SKI: variants seen among roughly 807,000 people sequenced by gnomAD.
SKI encodes the protein ski oncogene.
A neutral mutation model predicts 59.3 loss-of-function variants in SKI; 23 were observed. The ratio of observed to expected loss-of-function variants is 0.39; its 90% CI spans 0.28 to 0.55. The LOEUF (loss-of-function observed/expected upper bound fraction) is 0.55. Among genes scored for constraint, SKI ranks in the 20% least tolerant of loss-of-function variants. SKI has a pLI of 0.67. For missense variants in SKI, 1,017 were observed against 1,038.9 expected, an observed-to-expected ratio of 0.98 and a Z score of 0.29; for synonymous variants, 673 against 488.6, an observed-to-expected ratio of 1.38 and a Z score of -4.98.
rs1418253983 is a variant in SKI, at chr1:2,306,713, G to A, written c.2135G>A (p.Arg712Gln). The change falls in exon 7 of 7, where the codon CGG becomes CAG. Residue 712 changes from arginine to glutamine, a missense_variant. Physicochemically the swap from Arg to Gln is conservative, Grantham distance 43. Coordinates refer to ENST00000378536, the MANE Select transcript of SKI (RefSeq NM_003036.4). Reference protein sequence around the residue: ...VKELQEQLWPRARPEAAGSEG... With the variant: ...VKELQEQLWPQARPEAAGSEG... ...GAGCTGCAGGAACAGCTGTGGCCGCGGGCCCGCCCCGAGGCTGCGGGCAGC... is the reference window on the plus strand; with the variant it reads ...GAGCTGCAGGAACAGCTGTGGCCGCAGGCCCGCCCCGAGGCTGCGGGCAGC... The A allele has an allele frequency of 2.0e-6, 3 of 1,537,852 alleles. No homozygotes were observed. The highest frequency in any genetic ancestry group is 2.6e-6 in the Non-Finnish European group (3 of 1,143,080).
chr1:2,259,133 TC>T (rs1639331157), intron 1 of SKI, among the ~76,000 whole-genome samples: 1 of 152,206 alleles, frequency 6.6e-6, no homozygotes, highest in Non-Finnish European at 1.5e-5. Context: ...TGGTGGCTCC[TC>T]CGGAACCCCT....
Position 2,237,003 on chromosome 1 carries a change from G to A in SKI, c.969+7268G>A, listed in dbSNP as rs370234741. On this transcript the variant is annotated intron_variant, in intron 1 of 6. Transcript: ENST00000378536. ...CTGGCGGCCTCAGGTGGGCATGGGT[G>A]GCAGGGGATGCCATCACCCAAATCA... is the stretch of plus-strand genomic sequence containing the variant. Among the ~76,000 whole-genome samples the A allele has an allele frequency of 4.3e-4, 65 of 152,346 alleles. No individual in the cohort carries two copies. The East Asian group carries it at 0.012, about 27-fold the overall frequency.
At chr1:2,295,513 A>G (rs990093474) in intron 1 of SKI, among the ~76,000 whole-genome samples, 1 of 152,208 alleles carries the variant, frequency 6.6e-6, no homozygotes, top group Admixed American at 6.5e-5. Flanking sequence ...ACCCCCAACA[A>G]GAAGCCCCAT....
rs931048225 is a variant in SKI at position 2,229,614 on chromosome 1, C to T, written c.848C>T (p.Ala283Val). The T allele has an allele frequency of 2.5e-6, 4 of 1,612,332 alleles. No homozygotes were observed. The highest frequency in any genetic ancestry group is 2.7e-5 in the African/African-American group (2 of 74,946). The change falls in exon 1 of 7, where the codon GCC becomes GTC. Residue 283 changes from alanine (A) to valine (V), a missense_variant. Physicochemically the swap from Ala to Val is moderately conservative, Grantham distance 64. Transcript: ENST00000378536. The surrounding 1 kb of genome is among the most constrained non-coding windows in gnomAD (Gnocchi z 6.3). Reference sequence around the variant, plus strand: ...GGCTTCGACTCGGCCAACTGGCGGGCCTACATCCTGCTGAGCCAGGATTAC... The same window carrying T: ...GGCTTCGACTCGGCCAACTGGCGGGTCTACATCCTGCTGAGCCAGGATTAC... ...HWGFDSANWRAYILLSQDYTG... is the reference protein window; with the variant it reads ...HWGFDSANWRVYILLSQDYTG...
intron 1 of SKI, among the ~76,000 whole-genome samples, chr1:2,280,175 C>T (rs766556123): frequency 3.8e-4 from 58 of 151,746 alleles, no homozygotes; most frequent in Non-Finnish European, 7.7e-4. Flanking sequence ...AAAGATTAGC[C>T]TGGCTGATAT....
At position 2,229,099 on chromosome 1, in the gene SKI, G is replaced by A; in HGVS notation, c.333G>A (p.Ser111=). 1.2e-6 allele frequency: 2 copies of A among 1,609,770 alleles called. No individual in the cohort carries two copies. The highest frequency in any genetic ancestry group is 2.2e-5 in the East Asian group (1 of 44,844). Residue 111 remains serine, a synonymous_variant, in exon 1 of 7, where the codon TCG becomes TCA. Coordinates refer to ENST00000378536, the MANE Select transcript of SKI (RefSeq NM_003036.4). This position sits in a 1 kb window ranked among gnomAD's most constrained non-coding sequence, Gnocchi z 6.3. ...CETVLEGETI[S]CFVVGGEKRL... ...CCGTACTGGAAGGCGAGACCATCTC[G>A]TGCTTCGTGGTGGGAGGCGAGAAGC... is the stretch of plus-strand genomic sequence containing the variant.
intron 1 of SKI, among the ~76,000 whole-genome samples, chr1:2,261,706 C>T (rs1032184040): frequency 3.3e-5 from 5 of 152,260 alleles, no homozygotes; most frequent in African/African-American, 1.2e-4. Context: ...TTCACTTCTT[C>T]CTTTCCAGTC....
intron 1 of SKI, among the ~76,000 whole-genome samples, chr1:2,296,108 G>A (rs1640278304): frequency 6.6e-6 from 1 of 152,078 alleles, no homozygotes; most frequent in Non-Finnish European, 1.5e-5. Flanking sequence ...TTCTAGGCCA[G>A]GCGCTCATGC....
At chr1:2,304,249 C>A in intron 4 of SKI, 44 bp from the exon 5 acceptor site, 1 of 1,552,068 alleles carries the variant, frequency 6.4e-7, no homozygotes, top group South Asian at 1.2e-5. Flanking sequence ...GTGGAGCTGC[C>A]GGGCACTTCC....
intron 1 of SKI, among the ~76,000 whole-genome samples, chr1:2,261,162 G>A (rs1183312484): frequency 6.6e-6 from 1 of 152,158 alleles, no homozygotes; most frequent in Non-Finnish European, 1.5e-5. Flanking sequence ...TTACATCAAC[G>A]CCATGCTGTT....
At chr1:2,279,239 C>A (rs559774971) in intron 1 of SKI, among the ~76,000 whole-genome samples, 2 of 152,218 alleles carry the variant, frequency 1.3e-5, no homozygotes, top group Non-Finnish European at 2.9e-5. Context: ...GCATCCCCTA[C>A]GGAACAGCAG....
intron 1 of SKI, among the ~76,000 whole-genome samples, chr1:2,277,645 C>T (rs1000810242): frequency 6.6e-6 from 1 of 152,162 alleles, no homozygotes; most frequent in African/African-American, 2.4e-5. Context: ...ACACACACGT[C>T]AGCACTGTGG....
chr1:2,304,645 C>T (rs541221931), intron 5 of SKI, 60 bp downstream of exon 5: 4 of 1,495,456 alleles, frequency 2.7e-6, no homozygotes, highest in Non-Finnish European at 3.6e-6. Flanking sequence ...CAGCCTGCAC[C>T]AGGTGAACGG....
chr1:2,258,743 C>T (rs559063117), intron 1 of SKI, among the ~76,000 whole-genome samples: 184 of 152,032 alleles, frequency 1.2e-3, no homozygotes, highest in African/African-American at 4.1e-3. Context: ...TTAGTAGAGA[C>T]GGGGTTTGTT....
At chr1:2,249,317 T>C (rs1639068722) in intron 1 of SKI, among the ~76,000 whole-genome samples, 1 of 152,230 alleles carries the variant, frequency 6.6e-6, no homozygotes, top group Non-Finnish European at 1.5e-5. Context: ...GGGTCCAGCG[T>C]GCAGGCCGGA....
chr1:2,265,300 G>C (rs1639479444), intron 1 of SKI, among the ~76,000 whole-genome samples: 1 of 152,136 alleles, frequency 6.6e-6, no homozygotes, highest in Non-Finnish European at 1.5e-5. Context: ...TCAGCTCAGG[G>C]TGCTCTTCTC....
At chr1:2,237,848 C>A (rs1638785267) in intron 1 of SKI, among the ~76,000 whole-genome samples, 1 of 152,254 alleles carries the variant, frequency 6.6e-6, no homozygotes, top group Admixed American at 6.5e-5. Flanking sequence ...GTGAACGCCT[C>A]ATCCCTGAGG....
At chr1:2,243,478 C>T (rs1052167955) in intron 1 of SKI, among the ~76,000 whole-genome samples, 5 of 152,234 alleles carry the variant, frequency 3.3e-5, no homozygotes, top group Non-Finnish European at 7.3e-5. Context: ...GAGTGCCTGT[C>T]ACTCTGGCTG....
At chr1:2,305,144 C>T (rs1335275781) in intron 5 of SKI, among the ~76,000 whole-genome samples, 1 of 152,250 alleles carries the variant, frequency 6.6e-6, no homozygotes, top group Non-Finnish European at 1.5e-5. Flanking sequence ...GACACACACA[C>T]ACCCACCTGC....
Sources: gnomAD v4.1 joint callset for allele counts (sites outside exome capture counted in the v4.1 genomes callset) on GRCh38, gnomAD v4.1.1 for gene constraint, Gnocchi (gnomAD v3.1) non-coding constraint, MANE v1.5 for transcripts, NCBI Gene and HGNC (gene_info 2026-07-23, HGNC 2026-07-21) for gene names.